The following TRHDE variants were observed in gnomAD, a reference collection of about 807,000 sequenced individuals.
TRHDE encodes the protein thyrotropin-releasing hormone-degrading ectoenzyme.
A neutral mutation model predicts 125.7 loss-of-function variants in TRHDE; 72 were observed. The observed-to-expected ratio is 0.57, with a 90% confidence interval of 0.47 to 0.70. The LOEUF (loss-of-function observed/expected upper bound fraction) is 0.70. TRHDE is among the 30% of genes least tolerant of loss of function. TRHDE has a pLI of 0.00. For synonymous variants in TRHDE, 509 were observed against 509.1 expected (o/e 1.00, Z 0.00); for missense variants, 1,110 against 1,327.1 (o/e 0.84, Z 2.54).
chr12:72,169,700 AT>A (rs1876828337), intron 2 of TRHDE, among the ~76,000 whole-genome samples: 1 of 151,850 alleles, frequency 6.6e-6, no homozygotes, highest in Non-Finnish European at 1.5e-5. Context: ...ATAAATAATA[AT>A]AATAATAACA....
At chr12:72,304,471 T>C (rs1868309299) in intron 2 of TRHDE, among the ~76,000 whole-genome samples, 1 of 152,106 alleles carries the variant, frequency 6.6e-6, no homozygotes, top group South Asian at 2.1e-4. Context: ...GTTGTCAGAG[T>C]GATCCCGCCA....
At chr12:72,337,314 A>T (rs1288355250) in intron 2 of TRHDE, among the ~76,000 whole-genome samples, 5 of 152,112 alleles carry the variant, frequency 3.3e-5, no homozygotes, top group Non-Finnish European at 7.3e-5. Context: ...GGAGATAGTC[A>T]TGCTCCTCAT....
intron 1 of TRHDE, among the ~76,000 whole-genome samples, chr12:72,274,277 C>A (rs1460261384): frequency 6.6e-6 from 1 of 152,244 alleles, no homozygotes; most frequent in Non-Finnish European, 1.5e-5. Context: ...GAGTTGCTGC[C>A]TCTGGAGATG....
chr12:72,238,543 G>GCC (rs1878410046), intron 2 of TRHDE, among the ~76,000 whole-genome samples: 1 of 149,860 alleles, frequency 6.7e-6, no homozygotes, highest in South Asian at 2.1e-4. Context: ...CCCTCCCCTA[G>GCC]CCCCCCACCA....
At chr12:72,222,313 G>C (rs1324262925) in intron 2 of TRHDE, among the ~76,000 whole-genome samples, 1 of 152,076 alleles carries the variant, frequency 6.6e-6, no homozygotes, top group African/African-American at 2.4e-5. Flanking sequence ...GAGAAAGATT[G>C]TTCCAGCCAT....
At chr12:72,431,969 A>T in intron 3 of TRHDE, 1 of 195,178 alleles carries the variant, frequency 5.1e-6, no homozygotes, top group Admixed American at 4.6e-5. Context: ...TGTAACTATG[A>T]GGTTTCTTTC....
chr12:72,212,614 G>T (rs1877806497), intron 2 of TRHDE, among the ~76,000 whole-genome samples: 1 of 152,070 alleles, frequency 6.6e-6, no homozygotes, highest in Non-Finnish European at 1.5e-5. Flanking sequence ...CTAAGGAAAT[G>T]CAAATTAAAC....
At chr12:72,577,260 CT>C (rs1189180080) in intron 12 of TRHDE, among the ~76,000 whole-genome samples, 4 of 152,100 alleles carry the variant, frequency 2.6e-5, no homozygotes, top group Non-Finnish European at 4.4e-5. Context: ...TTATTTAGCA[CT>C]TTTAAGGAGC....
chr12:72,658,787 A>G (rs1186221898), intron 18 of TRHDE, among the ~76,000 whole-genome samples: 1 of 152,222 alleles, frequency 6.6e-6, no homozygotes, highest in Non-Finnish European at 1.5e-5. Flanking sequence ...CTAACATCAC[A>G]GTGCAGTCTC....
rs143947419 is a variant in TRHDE at position 72,395,379 on chromosome 12, G to A, written c.1315+17258G>A. On this transcript the variant is annotated intron_variant, in intron 3 of 18. Transcript: ENST00000261180. ...CCCATTCAGTTCACAGTCATATCCT[G>A]GACCCTGTCATTTCCAATAACTGTA... Among the ~76,000 whole-genome samples the A allele has an allele frequency of 2.6e-3, 400 of 152,030 alleles. 2 individuals carry two copies. Among genetic ancestry groups the A allele is most frequent in the African/African-American group, 9.3e-3 (386 of 41,486 alleles).
chr12:72,607,429 T>A (rs1418526066), intron 12 of TRHDE, among the ~76,000 whole-genome samples: 2 of 152,188 alleles, frequency 1.3e-5, no homozygotes, highest in African/African-American at 2.4e-5. Flanking sequence ...GCTGTTTCCT[T>A]CATTGATTTT....
intron 3 of TRHDE, among the ~76,000 whole-genome samples, chr12:72,405,836 G>T (rs1337415469): frequency 6.6e-6 from 1 of 152,168 alleles, no homozygotes; most frequent in Non-Finnish European, 1.5e-5. Flanking sequence ...GATTCTGAGG[G>T]TGTAAATATC....
intron 2 of TRHDE, among the ~76,000 whole-genome samples, chr12:72,159,219 A>G (rs1592463706): frequency 6.6e-6 from 1 of 152,250 alleles, no homozygotes; most frequent in Admixed American, 6.5e-5. Flanking sequence ...TTTTAGTAGT[A>G]GAAAGTTACT....
chr12:72,654,864 CTA>C (rs757159066), intron 17 of TRHDE, among the ~76,000 whole-genome samples: 53 of 152,118 alleles, frequency 3.5e-4, no homozygotes, highest in Non-Finnish European at 6.3e-4. Context: ...CTCACTGCCT[CTA>C]TAATTATATA....
intron 3 of TRHDE, among the ~76,000 whole-genome samples, chr12:72,438,131 A>G (rs1874828464): frequency 6.6e-6 from 1 of 151,814 alleles, no homozygotes. Context: ...ACGGCCGAAT[A>G]GTATTTCATT....
At chr12:72,139,540 T>C (rs1437690450) in intron 2 of TRHDE, among the ~76,000 whole-genome samples, 3 of 152,156 alleles carry the variant, frequency 2.0e-5, no homozygotes, top group Non-Finnish European at 4.4e-5. Flanking sequence ...TGAATAGAGA[T>C]GTCTTCAGCC....
chr12:72,621,575 T>G (rs1371861860), intron 14 of TRHDE, 69 bp from the exon 15 acceptor site: 1 of 1,127,212 alleles, frequency 8.9e-7, no homozygotes, highest in African/African-American at 1.6e-5. Context: ...ATAATTTACT[T>G]ATCTACTATT....
chr12:72,187,716 A>C (rs918666952), intron 2 of TRHDE, among the ~76,000 whole-genome samples: 2 of 152,190 alleles, frequency 1.3e-5, no homozygotes, highest in Non-Finnish European at 2.9e-5. Context: ...AACACCCCAA[A>C]ATAATGTTTT....
intron 1 of TRHDE, among the ~76,000 whole-genome samples, chr12:72,281,282 G>A (rs772814100): frequency 6.6e-6 from 1 of 152,144 alleles, no homozygotes; most frequent in Non-Finnish European, 1.5e-5. Flanking sequence ...TCATTGAAGT[G>A]CATAAAAACA....
Sources: gnomAD v4.1 joint callset for allele counts (sites outside exome capture counted in the v4.1 genomes callset) on GRCh38, gnomAD v4.1.1 for gene constraint, MANE v1.5 for transcripts, NCBI Gene and HGNC (gene_info 2026-07-23, HGNC 2026-07-21) for gene names.